The following IQGAP2 variants were observed in gnomAD, a reference collection of about 807,000 sequenced individuals.
The protein encoded by IQGAP2 is ras GTPase-activating-like protein IQGAP2.
In IQGAP2, 173 loss-of-function variants were observed where a neutral mutation model predicts 201.3. The observed-to-expected ratio is 0.86, with a 90% CI of 0.76 to 0.98. IQGAP2 has a LOEUF of 0.98. Ranked by LOEUF, IQGAP2 falls within the 50% of genes least tolerant of loss-of-function variation. The pLI is 0.00. For missense variants in IQGAP2, 1,687 were observed against 1,864.8 expected (o/e 0.90, Z 1.76); for synonymous variants, 675 against 673.9 (o/e 1.00, Z -0.03).
chr5:76,447,375 TC>T (rs1198190537), intron 1 of IQGAP2, among the ~76,000 whole-genome samples: 1 of 152,140 alleles, frequency 6.6e-6, no homozygotes, highest in African/African-American at 2.4e-5. Flanking sequence ...GGGACAGTGA[TC>T]GGGATATAAA....
chr5:76,403,656 T>C lies in IQGAP2; in HGVS notation c.46+65T>C. The C allele has an allele frequency of 7.4e-7, 1 of 1,347,922 alleles. No individual in the cohort carries two copies. Among genetic ancestry groups the C allele is most frequent in the Non-Finnish European group, 9.8e-7 (1 of 1,022,732 alleles). The allele number at this position is 1,347,922 out of a possible 1,614,324, so 83.5% of individuals were successfully genotyped here. On this transcript the variant is annotated intron_variant, in intron 1 of 35. Coordinates refer to ENST00000274364, the MANE Select transcript of IQGAP2 (RefSeq NM_006633.5). The surrounding 1 kb of genome is among the most constrained non-coding windows in gnomAD (Gnocchi z 4.8). ...GGAGCTCCCTCCCCGAGGACGGCGTTGGAGAAGCCGAGGGAGCCGGTTGCG... is the reference window on the plus strand; with the variant it reads ...GGAGCTCCCTCCCCGAGGACGGCGTCGGAGAAGCCGAGGGAGCCGGTTGCG...
In IQGAP2 at chr5:76,637,100, A is replaced by G. The variant is rs764983767; in HGVS notation, c.1847A>G (p.Asp616Gly). ...HKKYDYYYNT[D>G]SKESSWVTPE... ...AAATATGACTACTATTACAACACTG[A>G]TTCAAAAGAGAGTTCCTGGGTCACA... The change falls in exon 16 of 36, where the codon GAT becomes GGT. Residue 616 changes from aspartate to glycine, a missense_variant. Asp to Gly is a moderately conservative substitution (Grantham distance 94). Coordinates refer to ENST00000274364, the MANE Select transcript of IQGAP2 (RefSeq NM_006633.5). 1 of 1,612,010 alleles carries G rather than the reference A, an allele frequency of 6.2e-7. No homozygotes were observed. Among genetic ancestry groups the G allele is most frequent in the Admixed American group, 1.7e-5 (1 of 59,924 alleles).
intron 1 of IQGAP2, among the ~76,000 whole-genome samples, chr5:76,425,480 A>C (rs1751943901): frequency 6.6e-6 from 1 of 152,192 alleles, no homozygotes; most frequent in Non-Finnish European, 1.5e-5. Context: ...AGGAAGCAAA[A>C]AGGCAAGATA....
At chr5:76,673,031 T>G (rs1744490834) in intron 24 of IQGAP2, among the ~76,000 whole-genome samples, 1 of 151,884 alleles carries the variant, frequency 6.6e-6, no homozygotes, top group Admixed American at 6.6e-5. Context: ...ATTGTGCACA[T>G]GTACCCTAAA....
intron 2 of IQGAP2, among the ~76,000 whole-genome samples, chr5:76,464,781 A>T (rs1024450045): frequency 2.6e-5 from 4 of 152,240 alleles, no homozygotes; most frequent in African/African-American, 9.6e-5. Flanking sequence ...ATAAAGGAAT[A>T]CTATGAACAA....
chr5:76,498,190 C>T (rs566792190), intron 2 of IQGAP2, among the ~76,000 whole-genome samples: 1 of 152,328 alleles, frequency 6.6e-6, no homozygotes, highest in African/African-American at 2.4e-5. Flanking sequence ...CGGAGAGATG[C>T]TTCAGCATTC....
At position 76,429,582 on chromosome 5, in the gene IQGAP2, TTATATATATATATATGTATATTTA is replaced by T; in HGVS notation, c.46+26000_46+26023del. On this transcript the variant is annotated intron_variant, in intron 1 of 35. Coordinates refer to ENST00000274364, the MANE Select transcript of IQGAP2 (RefSeq NM_006633.5). ...GCGAGACTCTGTCTCAAAAAAAAAT[TTATATATATATATATGTATATTTA>T]TATATATACATATATAAATTTATAT... Among the ~76,000 whole-genome samples the T allele has an allele frequency of 2.5e-5, 3 of 120,710 alleles. No individual in the cohort carries two copies. In the South Asian group the frequency reaches 7.9e-4, roughly 32 times the overall value. The allele number at this position is 120,710 out of a possible 152,430, so 79.2% of individuals were successfully genotyped here. A position where few individuals can be genotyped will look rare whatever the true frequency, so the allele number is the denominator to read the frequency against.
intron 2 of IQGAP2, among the ~76,000 whole-genome samples, chr5:76,486,441 T>C (rs977568400): frequency 6.6e-6 from 1 of 152,222 alleles, no homozygotes; most frequent in African/African-American, 2.4e-5. Context: ...CTGGCTTATA[T>C]TAATATACTG....
intron 8 of IQGAP2, 87 bp downstream of exon 8, chr5:76,590,673 T>A: frequency 3.0e-6 from 3 of 991,206 alleles, no homozygotes; most frequent in Admixed American, 2.7e-5. Context: ...AGCAATACTT[T>A]TAAATCAATT....
chr5:76,668,702 A>G lies in IQGAP2; in HGVS notation c.2701A>G (p.Lys901Glu). ...LLQTNPLYLAKLIFQMPQNKS... is the reference protein window; with the variant it reads ...LLQTNPLYLAELIFQMPQNKS... Reference sequence around the variant, plus strand: ...CTAGACCAACCCTTTATACTTGGCTAAGCTGATTTTCCAGATGCCACAGAA... The same window carrying G: ...CTAGACCAACCCTTTATACTTGGCTGAGCTGATTTTCCAGATGCCACAGAA... The change falls in exon 23 of 36, where the codon AAG becomes GAG. Residue 901 changes from lysine to glutamate, a missense_variant. By Grantham distance (56) the Lys-to-Glu change is moderately conservative. Transcript: ENST00000274364. 1 of 1,610,490 alleles carries G rather than the reference A, an allele frequency of 6.2e-7. No individual in the cohort carries two copies. Among genetic ancestry groups the G allele is most frequent in the Non-Finnish European group, 8.5e-7 (1 of 1,178,844 alleles).
intron 13 of IQGAP2, among the ~76,000 whole-genome samples, chr5:76,621,003 A>C (rs1325184483): frequency 2.6e-5 from 4 of 152,234 alleles, no homozygotes. Flanking sequence ...AGATTCTCCC[A>C]GATTTCTAAT....
At chr5:76,584,758 T>C (rs1017844917) in intron 5 of IQGAP2, among the ~76,000 whole-genome samples, 5 of 152,154 alleles carry the variant, frequency 3.3e-5, no homozygotes, top group Admixed American at 6.5e-5. Flanking sequence ...GCTCCTGACA[T>C]GCGGATCTGC....
At chr5:76,477,875 T>TA (rs60866453) in intron 2 of IQGAP2, among the ~76,000 whole-genome samples, 6 of 149,522 alleles carry the variant, frequency 4.0e-5, no homozygotes, top group East Asian at 3.9e-4. Context: ...GTTTAAAAAG[T>TA]AAAAAAAAAA....
intron 1 of IQGAP2, among the ~76,000 whole-genome samples, chr5:76,437,515 G>C (rs941123933): frequency 3.3e-5 from 5 of 152,152 alleles, no homozygotes; most frequent in Middle Eastern, 3.4e-3. Context: ...TATTTATCCT[G>C]ATAAATAGCT....
chr5:76,473,074 G>A (rs975882604), intron 2 of IQGAP2, among the ~76,000 whole-genome samples: 75 of 152,336 alleles, frequency 4.9e-4, no homozygotes, highest in African/African-American at 1.6e-3. Context: ...GCCAACAGGC[G>A]ACAGCAACAG....
intron 2 of IQGAP2, among the ~76,000 whole-genome samples, chr5:76,468,966 G>A (rs577249337): frequency 1.3e-5 from 2 of 152,320 alleles, no homozygotes; most frequent in Admixed American, 6.5e-5. Context: ...AATGAATAAC[G>A]TAATGCCCAG....
chr5:76,477,705 G>C (rs186788418), intron 2 of IQGAP2, among the ~76,000 whole-genome samples: 2 of 152,218 alleles, frequency 1.3e-5, no homozygotes, highest in African/African-American at 4.8e-5. Flanking sequence ...CCCTTTTGGA[G>C]GCACTGGAGG....
chr5:76,564,114 T>G (rs1261876637), intron 3 of IQGAP2, among the ~76,000 whole-genome samples: 1 of 152,202 alleles, frequency 6.6e-6, no homozygotes, highest in Non-Finnish European at 1.5e-5. Context: ...TCCAGCTCAT[T>G]ATAATCTTCC....
At chr5:76,643,930 T>TTTA (rs57215876) in intron 17 of IQGAP2, among the ~76,000 whole-genome samples, 2 of 151,702 alleles carry the variant, frequency 1.3e-5, no homozygotes. Context: ...GGATTTTTTT[T>TTTA]ACCTTTGAGG....
Sources: gnomAD v4.1 joint callset for allele counts (sites outside exome capture counted in the v4.1 genomes callset) on GRCh38, gnomAD v4.1.1 for gene constraint, Gnocchi (gnomAD v3.1) non-coding constraint, MANE v1.5 for transcripts, NCBI Gene and HGNC (gene_info 2026-07-23, HGNC 2026-07-21) for gene names.